Variants in SEC14L5 observed in about 807,000 individuals in gnomAD.
SEC14L5 encodes SEC14 like lipid binding 5.
Under a neutral mutation model 84.6 loss-of-function variants are expected in SEC14L5, and 96 were observed. That is an observed-to-expected ratio of 1.13 (90% CI 0.96 to 1.34). SEC14L5 has a LOEUF of 1.34. Among genes scored for constraint, SEC14L5 ranks in the 40% most tolerant of loss-of-function variants. The pLI is 0.00. For missense variants in SEC14L5, 1,224 were observed against 942.5 expected (o/e 1.30, Z -3.91); for synonymous variants, 546 against 383.4 (o/e 1.42, Z -4.95).
intron 6 of SEC14L5, among the ~76,000 whole-genome samples, chr16:4,995,879 G>A (rs1279158734): frequency 1.3e-5 from 2 of 152,052 alleles, no homozygotes; most frequent in Non-Finnish European, 2.9e-5. Context: ...GCCTGCCGTG[G>A]GCTCCCAAAG....
chr16:4,987,662 C>A lies in SEC14L5; in HGVS notation c.169C>A (p.Arg57=), dbSNP rs1354593652. 8 of 1,544,728 alleles carry A rather than the reference C, an allele frequency of 5.2e-6. No individual in the cohort carries two copies. Among genetic ancestry groups the A allele is most frequent in the South Asian group, 3.6e-5 (3 of 83,564 alleles). ...SPDGAVHVVE[R]SCRLRVDAPR... ...GGACGGGGCTGTGCACGTGGTGGAG[C>A]GGAGCTGCCGGCTGCGCGTGGACGC... Residue 57 remains arginine, a synonymous_variant, in exon 3 of 16, where the codon CGG becomes AGG. Coordinates refer to ENST00000251170, the MANE Select transcript of SEC14L5 (RefSeq NM_014692.2).
Position 5,011,290 on chromosome 16 carries a change from G to A in SEC14L5, c.1979+17G>A. 1 of 1,607,396 alleles carries A rather than the reference G, an allele frequency of 6.2e-7. No individual in the cohort carries two copies. Among genetic ancestry groups the A allele is most frequent in the South Asian group, 1.1e-5 (1 of 90,926 alleles). On this transcript the variant is annotated intron_variant, in intron 15 of 15. Transcript: ENST00000251170. The stretch of plus-strand genomic sequence containing the variant: ...GGACTTCAGGTAGGAGGGCTCCGGA[G>A]CGGGGTCCTGGGCAGGAAGGACCCT...
chr16:4,994,927 C>T (rs944530144), intron 6 of SEC14L5, among the ~76,000 whole-genome samples: 10 of 152,124 alleles, frequency 6.6e-5, no homozygotes, highest in South Asian at 4.1e-4. Context: ...TGCCCGGGGC[C>T]GGAAGGATGC....
chr16:4,997,357 C>T (rs890869515), intron 8 of SEC14L5, among the ~76,000 whole-genome samples: 6 of 152,226 alleles, frequency 3.9e-5, no homozygotes, highest in African/African-American at 1.4e-4. Flanking sequence ...GCCTTAGACT[C>T]CCAAAGTGTT....
chr16:4,972,403 A>AC (rs1955290498), intron 2 of SEC14L5, among the ~76,000 whole-genome samples: 1 of 152,144 alleles, frequency 6.6e-6, no homozygotes, highest in Admixed American at 6.6e-5. Context: ...CATTCACGTT[A>AC]TTGTGCAACT....
At chr16:4,998,843 T>G (rs1438352615) in intron 8 of SEC14L5, among the ~76,000 whole-genome samples, 3 of 151,432 alleles carry the variant, frequency 2.0e-5, no homozygotes, top group African/African-American at 7.3e-5. Context: ...CTCTTAACGA[T>G]CAATCTTCCT....
At chr16:4,970,783 G>GCTTC (rs1446844971) in intron 2 of SEC14L5, among the ~76,000 whole-genome samples, 1 of 152,150 alleles carries the variant, frequency 6.6e-6, no homozygotes, top group East Asian at 1.9e-4. Flanking sequence ...CAGCCCAAAA[G>GCTTC]TACATCCAAG....
chr16:4,968,121 G>C (rs1955229438), intron 2 of SEC14L5, among the ~76,000 whole-genome samples: 1 of 151,218 alleles, frequency 6.6e-6, no homozygotes, highest in Non-Finnish European at 1.5e-5. Context: ...TGGAGGTCAA[G>C]TGATTCTCCC....
At position 4,991,941 on chromosome 16, in the gene SEC14L5, AC is replaced by A; in HGVS notation, c.580del (p.Gln194ArgfsTer53). On this transcript the variant is annotated frameshift_variant, in exon 6 of 16. Coordinates refer to ENST00000251170, the MANE Select transcript of SEC14L5 (RefSeq NM_014692.2). LOFTEE classifies it high-confidence loss of function. The stretch of plus-strand genomic sequence containing the variant: ...CCAGTCCGTGAGGAGGATGCCCGCA[AC>A]CAGGCTGGACCGAGGGACCCCAGCT... ...PAPVREEDAR[N>X]QAGPRDPSSL... The A allele has an allele frequency of 3.7e-6, 6 of 1,600,558 alleles. No individual in the cohort carries two copies. Among genetic ancestry groups the A allele is most frequent in the Non-Finnish European group, 5.1e-6 (6 of 1,176,758 alleles).
chr16:4,980,459 G>A (rs1955408039), intron 2 of SEC14L5, among the ~76,000 whole-genome samples: 2 of 152,216 alleles, frequency 1.3e-5, no homozygotes, highest in Non-Finnish European at 2.9e-5. Flanking sequence ...AGGATGGGAA[G>A]TGAGTCAGGA....
chr16:5,010,430 C>T (rs1332002349), intron 14 of SEC14L5, among the ~76,000 whole-genome samples: 2 of 152,122 alleles, frequency 1.3e-5, no homozygotes, highest in African/African-American at 4.8e-5. Context: ...ATGAGCTGCC[C>T]CTGTTGATCC....
chr16:4,997,903 G>A (rs1341257172), intron 8 of SEC14L5, among the ~76,000 whole-genome samples: 1 of 151,728 alleles, frequency 6.6e-6, no homozygotes, highest in East Asian at 1.9e-4. Context: ...TTCTCATAAG[G>A]ACCCCAGGAG....
chr16:4,991,800 C>T lies in SEC14L5; in HGVS notation c.475-38C>T, dbSNP rs781156460. 2.7e-6 allele frequency: 4 copies of T among 1,468,028 alleles called. No homozygotes were observed. The African/African-American group carries it at 4.2e-5, about 15-fold the overall frequency. 90.9% of individuals were successfully genotyped at this position (1,468,028 alleles called of 1,614,324 possible). ...GATCCTGTGACCCCCCTCCATCCTG[C>T]CCCGTGCTCATGTGTCTTGGGTCTC... On this transcript the variant is annotated intron_variant, in intron 5 of 15. Coordinates refer to ENST00000251170, the MANE Select transcript of SEC14L5 (RefSeq NM_014692.2).
intron 2 of SEC14L5, among the ~76,000 whole-genome samples, chr16:4,978,412 G>A (rs1432109888): frequency 2.8e-4 from 2 of 7,156 alleles, no homozygotes; most frequent in Admixed American, 1.8e-3. Flanking sequence ...GTCAGACTCC[G>A]TCTCAAAAAA....
Position 4,991,982 on chromosome 16 carries a change from G to A in SEC14L5, c.619G>A (p.Gly207Arg), listed in dbSNP as rs368691794. ...PRDPSSLEAHGPRSTLGPALE... is the reference protein window; with the variant it reads ...PRDPSSLEAHRPRSTLGPALE... ...GGACCCCAGCTCCCTGGAGGCCCAC[G>A]GGCCCCGTAGCACCCTGGGGCCCGC... The change falls in exon 6 of 16, where the codon GGG becomes AGG. Residue 207 changes from glycine (G) to arginine (R), a missense_variant. By Grantham distance (125) the Gly-to-Arg change is moderately radical (BLOSUM62 -2). Coordinates refer to ENST00000251170, the MANE Select transcript of SEC14L5 (RefSeq NM_014692.2). The A allele has an allele frequency of 3.4e-5, 54 of 1,586,116 alleles. No homozygotes were observed. The highest frequency in any genetic ancestry group is 5.2e-5 in the Admixed American group (3 of 57,226).
chr16:4,963,155 G>T (rs1334072722), intron 2 of SEC14L5, among the ~76,000 whole-genome samples: 1 of 152,124 alleles, frequency 6.6e-6, no homozygotes, highest in Non-Finnish European at 1.5e-5. Context: ...GACTGAAATT[G>T]GGCTTGAGTA....
At chr16:5,000,319 T>A (rs150424566) in intron 8 of SEC14L5, among the ~76,000 whole-genome samples, 1 of 152,270 alleles carries the variant, frequency 6.6e-6, no homozygotes, top group Non-Finnish European at 1.5e-5. Flanking sequence ...AAATGTTTTG[T>A]AGAGAAGAGG....
Position 4,975,978 on chromosome 16 carries a change from C to T in SEC14L5, c.64-11579C>T, listed in dbSNP as rs560497788. 4.8e-4 allele frequency among the ~76,000 whole-genome samples: 73 copies of T among 152,270 alleles called. 1 individual carries two copies. In the South Asian group the frequency reaches 0.015, roughly 30 times the overall value. On this transcript the variant is annotated intron_variant, in intron 2 of 15. Coordinates refer to ENST00000251170, the MANE Select transcript of SEC14L5 (RefSeq NM_014692.2). ...CGTTTTGGCGTAAGTGGCATTCCAGCTTCCTTTGAATTTGGATGAGGAAGA... is the reference window on the plus strand; with the variant it reads ...CGTTTTGGCGTAAGTGGCATTCCAGTTTCCTTTGAATTTGGATGAGGAAGA...
intron 1 of SEC14L5, among the ~76,000 whole-genome samples, chr16:4,959,035 G>T (rs989961898): frequency 1.3e-5 from 2 of 151,932 alleles, no homozygotes; most frequent in Admixed American, 6.6e-5. Context: ...TGGGGGTAGA[G>T]GAAAGTTTGG....
Sources: allele counts gnomAD v4.1 joint callset (sites outside exome capture counted in the v4.1 genomes callset), GRCh38; gene constraint gnomAD v4.1.1; transcripts MANE v1.5; gene names NCBI Gene and HGNC (gene_info 2026-07-23, HGNC 2026-07-21).